OPA1: variants seen among roughly 807,000 people sequenced by gnomAD.
OPA1 encodes the protein dynamin-like GTPase OPA1, mitochondrial.
OPA1 carries 59 observed loss-of-function variants against 152.9 expected under a neutral mutation model. That is an observed-to-expected ratio of 0.39 (90% CI 0.31 to 0.48). The LOEUF (loss-of-function observed/expected upper bound fraction) is 0.48, where lower values mean the gene tolerates loss of function less well. Among genes scored for constraint, OPA1 ranks in the 20% least tolerant of loss-of-function variants. The probability of loss-of-function intolerance (pLI) is 0.96; values close to 1 mark genes in which losing one functional copy is unlikely to be tolerated. For synonymous variants in OPA1, 400 were observed against 389.9 expected, an observed-to-expected ratio of 1.03 and a Z score of -0.31; for missense variants, 1,008 against 1,216.8, an observed-to-expected ratio of 0.83 and a Z score of 2.55.
chr3:193,632,412 C>T (rs935483810), intron 8 of OPA1, among the ~76,000 whole-genome samples: 2 of 152,014 alleles, frequency 1.3e-5, no homozygotes, highest in African/African-American at 4.8e-5. Flanking sequence ...ACCCAGGAGG[C>T]GGAGCTTGCA....
intron 6 of OPA1, 113 bp downstream of exon 6, chr3:193,619,049 C>A: frequency 2.4e-6 from 2 of 835,218 alleles, no homozygotes; most frequent in Non-Finnish European, 2.0e-6. Flanking sequence ...ACAAAAACAT[C>A]CAAGTAGAGA....
chr3:193,691,782 G>A (rs1721720633), intron 29 of OPA1: 2 of 286,492 alleles, frequency 7.0e-6, no homozygotes, highest in Non-Finnish European at 1.3e-5. Flanking sequence ...CTACATAATT[G>A]TACATGTACT....
rs1412893087 is a variant in OPA1, at chr3:193,697,601, C to G, written c.*3001C>G. ...ACGAGGGAAAGAGAAACCTGTATAC[C>G]TAGGGTCATTATTTGACCCCATAGT... On this transcript the variant is annotated 3_prime_UTR_variant, in exon 31 of 31. Transcript: ENST00000361510. 1 of 151,832 alleles carries G rather than the reference C, an allele frequency of 6.6e-6. No homozygotes were observed. Among genetic ancestry groups the G allele is most frequent in the African/African-American group, 2.4e-5 (1 of 41,300 alleles). 9.4% of individuals were successfully genotyped at this position (151,832 alleles called of 1,614,324 possible).
chr3:193,661,331 G>A (rs547941557), intron 25 of OPA1, among the ~76,000 whole-genome samples: 5 of 152,128 alleles, frequency 3.3e-5, no homozygotes, highest in East Asian at 1.9e-4. Context: ...TGAATCACCC[G>A]GGGAGGTGTT....
chr3:193,604,860 C>CA (rs55904490), intron 1 of OPA1, among the ~76,000 whole-genome samples: 107 of 104,538 alleles, frequency 1.0e-3, no homozygotes, highest in African/African-American at 2.8e-3. Flanking sequence ...AACTCCATCT[C>CA]AAAAAAAAAA....
At chr3:193,684,919 G>A (rs1720726876) in intron 29 of OPA1, among the ~76,000 whole-genome samples, 1 of 152,204 alleles carries the variant, frequency 6.6e-6, no homozygotes, top group Non-Finnish European at 1.5e-5. Flanking sequence ...CTTAAAATAT[G>A]TAGAAAGTAT....
At position 193,615,059 on chromosome 3, in the gene OPA1, C is replaced by G; in HGVS notation, c.351+18C>G. 1 of 1,582,810 alleles carries G rather than the reference C, an allele frequency of 6.3e-7. No homozygotes were observed. Among genetic ancestry groups the G allele is most frequent in the Non-Finnish European group, 8.7e-7 (1 of 1,151,516 alleles). The stretch of plus-strand genomic sequence containing the variant: ...CCAAAAAGGTGAACTTGACATTCCT[C>G]CTGGTTTTCCAATTATTATATCATG... On this transcript the variant is annotated intron_variant, in intron 2 of 30. Coordinates refer to ENST00000361510, the MANE Select transcript of OPA1 (RefSeq NM_130837.3).
chr3:193,611,467 C>A (rs1451308031), intron 1 of OPA1, among the ~76,000 whole-genome samples: 1 of 152,010 alleles, frequency 6.6e-6, no homozygotes, highest in Non-Finnish European at 1.5e-5. Flanking sequence ...CATGGTGGCA[C>A]ACGCCTGTAG....
rs1446797783 is a variant in OPA1, at chr3:193,615,739, T to C, written c.417T>C (p.Ile139=). ...AATATAAATGGATTGTGCCTGACAT[T>C]GTGTGGGAAATTGATGAGTATATCG... ...LSEYKWIVPD[I]VWEIDEYIDF... The change falls in exon 3 of 31, where the codon ATT becomes ATC. Residue 139 remains isoleucine, a synonymous_variant. Transcript: ENST00000361510. The C allele has an allele frequency of 4.3e-6, 7 of 1,612,068 alleles. No homozygotes were observed. Among genetic ancestry groups the C allele is most frequent in the African/African-American group, 1.3e-5 (1 of 74,882 alleles).
chr3:193,620,739 G>A (rs1239104718), intron 6 of OPA1, among the ~76,000 whole-genome samples: 1 of 152,120 alleles, frequency 6.6e-6, no homozygotes, highest in Non-Finnish European at 1.5e-5. Flanking sequence ...ATCCAAAAAT[G>A]TGTCTCAAGC....
intron 28 of OPA1, among the ~76,000 whole-genome samples, 151 bp from the exon 29 acceptor site, chr3:193,667,014 CTACTG>C (rs1716714038): frequency 6.6e-6 from 1 of 152,054 alleles, no homozygotes; most frequent in Non-Finnish European, 1.5e-5. Flanking sequence ...GCTGATAAAA[CTACTG>C]TATAACAGAG....
chr3:193,629,649 C>T (rs189829768), intron 7 of OPA1, among the ~76,000 whole-genome samples: 364 of 151,674 alleles, frequency 2.4e-3, no homozygotes, highest in Non-Finnish European at 4.2e-3. Context: ...CCAGCCTGGG[C>T]GACTCCGTCT....
At position 193,695,186 on chromosome 3, in the gene OPA1, C is replaced by T. The variant is rs1046595683; in HGVS notation, c.*586C>T. 2 of 152,062 alleles carry T rather than the reference C, an allele frequency of 1.3e-5. No individual in the cohort carries two copies. The highest frequency in any genetic ancestry group is 2.9e-5 in the Non-Finnish European group (2 of 68,004). The allele number at this position is 152,062 out of a possible 1,614,324, so 9.4% of individuals were successfully genotyped here. ...TAAAACAGGTTAATTTGGATTGTAACGTTCAGTGAAAGAAATTTCAACCCT... is the reference window on the plus strand; with the variant it reads ...TAAAACAGGTTAATTTGGATTGTAATGTTCAGTGAAAGAAATTTCAACCCT... On this transcript the variant is annotated 3_prime_UTR_variant, in exon 31 of 31. Coordinates refer to ENST00000361510, the MANE Select transcript of OPA1 (RefSeq NM_130837.3).
chr3:193,632,432 G>C (rs77434860), intron 8 of OPA1, among the ~76,000 whole-genome samples: 1 of 152,054 alleles, frequency 6.6e-6, no homozygotes, highest in African/African-American at 2.4e-5. Context: ...AGTGAGCCCA[G>C]ATGGCGCCAC....
At chr3:193,621,335 AAC>A (rs1730027530) in intron 6 of OPA1, among the ~76,000 whole-genome samples, 1 of 152,242 alleles carries the variant, frequency 6.6e-6, no homozygotes, top group Non-Finnish European at 1.5e-5. Context: ...AGCTGAGGGG[AAC>A]ACAGATAGTT....
intron 1 of OPA1, 78 bp downstream of exon 1, chr3:193,593,487 A>G: frequency 7.3e-7 from 1 of 1,363,536 alleles, no homozygotes; most frequent in Non-Finnish European, 9.7e-7. Flanking sequence ...TATCTCCAAA[A>G]ATGTGCAGGT....
intron 27 of OPA1, among the ~76,000 whole-genome samples, chr3:193,665,672 A>T (rs995651935): frequency 1.3e-5 from 2 of 152,150 alleles, no homozygotes; most frequent in African/African-American, 4.8e-5. Context: ...TTTAATTGAG[A>T]CTTCTAACAT....
intron 6 of OPA1, among the ~76,000 whole-genome samples, chr3:193,622,572 C>G (rs1432808929): frequency 1.3e-5 from 2 of 152,062 alleles, no homozygotes; most frequent in Non-Finnish European, 2.9e-5. Context: ...GCTGAAGTAT[C>G]TCTTTTCTTT....
At chr3:193,612,387 ATCAG>A (rs1428900886) in intron 1 of OPA1, among the ~76,000 whole-genome samples, 5 of 151,434 alleles carry the variant, frequency 3.3e-5, no homozygotes, top group African/African-American at 9.7e-5. Flanking sequence ...TCCGAGTTAG[ATCAG>A]TCAAAGTACA....
Sources: allele counts gnomAD v4.1 joint callset (sites outside exome capture counted in the v4.1 genomes callset), GRCh38; gene constraint gnomAD v4.1.1; transcripts MANE v1.5; gene names NCBI Gene and HGNC (gene_info 2026-07-23, HGNC 2026-07-21).